Variants in ATRNL1 observed in about 807,000 individuals in gnomAD.
ATRNL1 encodes the protein attractin like 1.
Under a neutral mutation model 182.7 loss-of-function variants are expected in ATRNL1, and 95 were observed. The ratio of observed to expected loss-of-function variants is 0.52; its 90% CI spans 0.44 to 0.62. The LOEUF (loss-of-function observed/expected upper bound fraction) is 0.62. Ranked by LOEUF, ATRNL1 falls within the 20% of genes least tolerant of loss-of-function variation. ATRNL1 has a pLI of 0.00. For synonymous variants in ATRNL1, 576 were observed against 568.3 expected (o/e 1.01, Z -0.19); for missense variants, 1,471 against 1,679.5 (o/e 0.88, Z 2.17).
chr10:115,427,566 A>G (rs180956889), intron 21 of ATRNL1, among the ~76,000 whole-genome samples: 4 of 152,258 alleles, frequency 2.6e-5, no homozygotes, highest in East Asian at 3.9e-4. Flanking sequence ...TAAGTTTTCT[A>G]TTTAAGTATA....
chr10:115,478,665 T>C (rs1848634468), intron 24 of ATRNL1, among the ~76,000 whole-genome samples: 1 of 151,706 alleles, frequency 6.6e-6, no homozygotes. Flanking sequence ...ATTCCACCTA[T>C]ACTTAAGGGA....
At chr10:115,859,194 C>T (rs1555102851) in intron 28 of ATRNL1, among the ~76,000 whole-genome samples, 1 of 152,036 alleles carries the variant, frequency 6.6e-6, no homozygotes, top group African/African-American at 2.4e-5. Context: ...ATTAGTGCTT[C>T]AATGTATGAA....
intron 7 of ATRNL1, among the ~76,000 whole-genome samples, 197 bp from the exon 8 acceptor site, chr10:115,170,840 T>G (rs548558010): frequency 1.3e-5 from 2 of 152,028 alleles, no homozygotes; most frequent in South Asian, 4.2e-4. Flanking sequence ...CTTTGCTGTT[T>G]CCCCCCCTTT....
At chr10:115,239,527 G>A (rs896915005) in intron 9 of ATRNL1, among the ~76,000 whole-genome samples, 18 of 152,002 alleles carry the variant, frequency 1.2e-4, no homozygotes, top group Admixed American at 2.6e-4. Flanking sequence ...CACCGCGCCC[G>A]GCCGGGGCTG....
rs1845122974 is a variant in ATRNL1, at chr10:115,129,383, C to G, written c.677C>G (p.Ser226Cys). 1.9e-6 allele frequency: 3 copies of G among 1,613,954 alleles called. No homozygotes were observed. The highest frequency in any genetic ancestry group is 2.2e-5 in the East Asian group (1 of 44,880). The change falls in exon 5 of 29, where the codon TCT becomes TGT. Residue 226 changes from serine (S) to cysteine (C), a missense_variant. By Grantham distance (112) the Ser-to-Cys change is moderately radical. Transcript: ENST00000355044. Reference protein sequence around the residue: ...SGHGKCTTSVSVPSQVYCECD... With the variant: ...SGHGKCTTSVCVPSQVYCECD... ...CATGGGAAGTGTACAACTAGTGTCT[C>G]TGTTCCAAGTCAAGTATATTGTGAA...
intron 25 of ATRNL1, among the ~76,000 whole-genome samples, chr10:115,532,355 A>G (rs1554988586): frequency 6.6e-6 from 1 of 152,018 alleles, no homozygotes; most frequent in African/African-American, 2.4e-5. Flanking sequence ...ATCCCTTGTA[A>G]GTTGGATTCC....
intron 10 of ATRNL1, among the ~76,000 whole-genome samples, chr10:115,264,373 TAAACA>T (rs1407269367): frequency 6.6e-6 from 1 of 151,656 alleles, no homozygotes; most frequent in Non-Finnish European, 1.5e-5. Flanking sequence ...GGCTTTTACC[TAAACA>T]AAATTAATTT....
At chr10:115,429,928 G>A (rs1027481534) in intron 21 of ATRNL1, among the ~76,000 whole-genome samples, 2 of 152,014 alleles carry the variant, frequency 1.3e-5, no homozygotes, top group African/African-American at 2.4e-5. Flanking sequence ...AAAATTAGCC[G>A]GGCGTGGTGG....
chr10:115,108,005 A>G (rs142671022), intron 1 of ATRNL1, among the ~76,000 whole-genome samples: 1 of 152,070 alleles, frequency 6.6e-6, no homozygotes, highest in South Asian at 2.1e-4. Context: ...ATCTCTTTCT[A>G]TCTTGATGAA....
intron 8 of ATRNL1, among the ~76,000 whole-genome samples, chr10:115,208,744 C>T (rs1160620932): frequency 1.3e-5 from 2 of 152,012 alleles, no homozygotes; most frequent in East Asian, 1.9e-4. Flanking sequence ...TCCCGTTTTG[C>T]ACATGCAGAT....
At chr10:115,547,011 T>G (rs1554993915) in intron 25 of ATRNL1, among the ~76,000 whole-genome samples, 1 of 152,080 alleles carries the variant, frequency 6.6e-6, no homozygotes, top group African/African-American at 2.4e-5. Flanking sequence ...TTCAGCACTT[T>G]GGAAGGCCGA....
chr10:115,300,848 T>C lies in ATRNL1; in HGVS notation c.2629+601T>C, dbSNP rs74926288. ...CCATTTAGCTCCAGAACTTTTTCAT[T>C]TTGCAAAACTAAAAATCTGTACCCA... On this transcript the variant is annotated intron_variant, in intron 16 of 28. Transcript: ENST00000355044. 7.7e-3 allele frequency among the ~76,000 whole-genome samples: 1,168 copies of C among 152,230 alleles called. 17 individuals carry two copies. Among genetic ancestry groups the C allele is most frequent in the African/African-American group, 0.027 (1,116 of 41,538 alleles).
At chr10:115,430,883 A>G (rs889199321) in intron 21 of ATRNL1, among the ~76,000 whole-genome samples, 1 of 151,930 alleles carries the variant, frequency 6.6e-6, no homozygotes, top group African/African-American at 2.4e-5. Flanking sequence ...GAAAAGGTCA[A>G]CCTCCCCAGA....
intron 28 of ATRNL1, among the ~76,000 whole-genome samples, chr10:115,860,387 CT>C (rs1951286708): frequency 6.6e-6 from 1 of 152,102 alleles, no homozygotes; most frequent in Non-Finnish European, 1.5e-5. Flanking sequence ...TGAAAAATGA[CT>C]CCTTAAGTGT....
chr10:115,906,417 G>T (rs1952504923), intron 28 of ATRNL1, among the ~76,000 whole-genome samples: 1 of 152,016 alleles, frequency 6.6e-6, no homozygotes, highest in African/African-American at 2.4e-5. Context: ...TTTGTTTCAG[G>T]ATTGAGAAAG....
chr10:115,506,479 G>T (rs1469755978), intron 24 of ATRNL1, among the ~76,000 whole-genome samples: 1 of 151,948 alleles, frequency 6.6e-6, no homozygotes, highest in Non-Finnish European at 1.5e-5. Flanking sequence ...CTAGGGATGG[G>T]TCTCAGGCTG....
chr10:115,192,818 C>A (rs975696809), intron 8 of ATRNL1, among the ~76,000 whole-genome samples: 1 of 151,954 alleles, frequency 6.6e-6, no homozygotes, highest in Admixed American at 6.6e-5. Flanking sequence ...CATTTTATTT[C>A]ACTTGTAGCT....
chr10:115,928,075 C>T (rs1555120712), intron 28 of ATRNL1, among the ~76,000 whole-genome samples: 1 of 151,994 alleles, frequency 6.6e-6, no homozygotes, highest in African/African-American at 2.4e-5. Flanking sequence ...TTCTAAGGCT[C>T]CTTCCAGCTC....
At chr10:115,936,201 T>G (rs17270580) in intron 28 of ATRNL1, among the ~76,000 whole-genome samples, 27,182 of 152,254 alleles carry the variant, frequency 0.18, 2,504 homozygotes, top group Non-Finnish European at 0.21. Context: ...CACTTGATGT[T>G]AATGAGGATG....
Sources: allele counts gnomAD v4.1 joint callset (sites outside exome capture counted in the v4.1 genomes callset), GRCh38; gene constraint gnomAD v4.1.1; transcripts MANE v1.5; gene names NCBI Gene and HGNC (gene_info 2026-07-23, HGNC 2026-07-21).